CLK3: variants seen among roughly 807,000 people sequenced by gnomAD.
The protein encoded by CLK3 is dual specificity protein kinase CLK3.
In CLK3, 24 loss-of-function variants were observed where a neutral mutation model predicts 65.2. The observed-to-expected ratio is 0.37, with a 90% CI of 0.27 to 0.52. CLK3 has a LOEUF of 0.52. Ranked by LOEUF, CLK3 falls within the 20% of genes least tolerant of loss-of-function variation. CLK3 has a pLI of 0.92. For missense variants in CLK3, 506 were observed against 660.0 expected, an observed-to-expected ratio of 0.77 and a Z score of 2.56; for synonymous variants, 252 against 240.8, an observed-to-expected ratio of 1.05 and a Z score of -0.43.
rs1364397833 is a variant in CLK3, at chr15:74,619,304, C to G, written c.108C>G (p.Tyr36Ter). Residue 36 changes from tyrosine to a stop codon, truncating the protein, a stop_gained, in exon 2 of 13, where the codon TAC (tyrosine) becomes TAG (stop). Transcript: ENST00000395066. LOFTEE classifies it high-confidence loss of function. Reference protein sequence around the residue: ...YSREHEGRLRYPSRREPPPRR... With the variant: ...YSREHEGRLR ...GGGAACATGAAGGGAGACTGCGATA[C>G]CCGTCCCGAAGGGAGCCTCCCCCAC... 1 of 1,614,030 alleles carries G rather than the reference C, an allele frequency of 6.2e-7. No individual in the cohort carries two copies. The highest frequency in any genetic ancestry group is 8.5e-7 in the Non-Finnish European group (1 of 1,180,014).
upstream of CLK3, chr15:74,613,483 G>A (rs995855844): frequency 1.3e-5 from 2 of 152,232 alleles, no homozygotes; most frequent in African/African-American, 2.4e-5. Context: ...AGCTCTAAGG[G>A]TAGAATCTCA....
At position 74,630,109 on chromosome 15, in the gene CLK3, C is replaced by T. The variant is rs985919107; in HGVS notation, c.*226C>T. On this transcript the variant is annotated 3_prime_UTR_variant, in exon 13 of 13. Coordinates refer to ENST00000395066, the MANE Select transcript of CLK3 (RefSeq NM_001130028.2). ...TAAAGTTATAATAAAGTGTTTCTTA[C>T]TGTTTGTAACCCCTGGTACCAGTGT... 3.9e-6 allele frequency: 2 copies of T among 507,722 alleles called. No individual in the cohort carries two copies. The highest frequency in any genetic ancestry group is 3.8e-5 in the African/African-American group (2 of 52,624). The allele number at this position is 507,722 out of a possible 1,614,324, so 31.5% of individuals were successfully genotyped here.
chr15:74,619,438 C>A, intron 2 of CLK3, 90 bp downstream of exon 2: 1 of 1,415,228 alleles, frequency 7.1e-7, no homozygotes, highest in Non-Finnish European at 9.8e-7. Context: ...GACTCCATCC[C>A]TGCCCAGCTG....
intron 6 of CLK3, among the ~76,000 whole-genome samples, chr15:74,625,438 G>A (rs138938392): frequency 3.9e-5 from 6 of 152,296 alleles, no homozygotes; most frequent in Non-Finnish European, 8.8e-5. Context: ...GAGTGAGCAA[G>A]TGGAGAAAAG....
Position 74,628,047 on chromosome 15 carries a change from T to C in CLK3, c.1120T>C (p.Phe374Leu). The change falls in exon 10 of 13, where the codon TTC becomes CTC. Residue 374 changes from phenylalanine to leucine, a missense_variant. By Grantham distance (22) the Phe-to-Leu change is conservative. Coordinates refer to ENST00000395066, the MANE Select transcript of CLK3 (RefSeq NM_001130028.2). ...TGAGTACTACCGGGGCTTCACACTC[T>C]TCCAGGTACAGCCACCCTGCATTGG... is the stretch of plus-strand genomic sequence containing the variant. ...LFEYYRGFTL[F>L]QTHENREHLV... 1.9e-6 allele frequency: 3 copies of C among 1,609,016 alleles called. No individual in the cohort carries two copies. Among genetic ancestry groups the C allele is most frequent in the Non-Finnish European group, 2.6e-6 (3 of 1,175,296 alleles).
chr15:74,629,951 T>A lies in CLK3; in HGVS notation c.*68T>A. The A allele has an allele frequency of 6.8e-7, 1 of 1,474,620 alleles. No individual in the cohort carries two copies. Among genetic ancestry groups the A allele is most frequent in the Non-Finnish European group, 9.2e-7 (1 of 1,088,914 alleles). The allele number at this position is 1,474,620 out of a possible 1,614,324, so 91.3% of individuals were successfully genotyped here. A position where few individuals can be genotyped will look rare whatever the true frequency, so the allele number is the denominator to read the frequency against. ...GCCGCCCAGCCCCTTGACTCCAGCC[T>A]CGACCGCCAGGCCCCAGGCCAGAGC... On this transcript the variant is annotated 3_prime_UTR_variant, in exon 13 of 13. Transcript: ENST00000395066.
upstream of CLK3, among the ~76,000 whole-genome samples, chr15:74,610,892 G>A (rs1481764420): frequency 3.3e-5 from 5 of 152,208 alleles, no homozygotes; most frequent in African/African-American, 9.6e-5. Flanking sequence ...GCCATCACAC[G>A]GTGTCCCTTT....
chr15:74,629,978 AC>A lies in CLK3; in HGVS notation c.*98del, dbSNP rs762358320. On this transcript the variant is annotated 3_prime_UTR_variant, in exon 13 of 13. Coordinates refer to ENST00000395066, the MANE Select transcript of CLK3 (RefSeq NM_001130028.2). The stretch of plus-strand genomic sequence containing the variant: ...GACCGCCAGGCCCCAGGCCAGAGCC[AC>A]CCAATGAACAGTGCAATGTGAAGGA... 6.0e-5 allele frequency: 74 copies of A among 1,238,910 alleles called. No individual in the cohort carries two copies. Among genetic ancestry groups the A allele is most frequent in the Non-Finnish European group, 7.6e-5 (68 of 890,100 alleles). 76.7% of individuals were successfully genotyped at this position (1,238,910 alleles called of 1,614,324 possible).
rs777998388 is a variant in CLK3 at position 74,627,465 on chromosome 15, G to C, written c.912+19G>C. The C allele has an allele frequency of 6.2e-7, 1 of 1,614,160 alleles. No individual in the cohort carries two copies. ...GCACAAGGTATTGGTGGGGGTAAGG[G>C]TGAGGCCCTGTTTCAGGGGTGGGTT... On this transcript the variant is annotated intron_variant, in intron 8 of 12. Transcript: ENST00000395066. The surrounding 1 kb of genome is among the most constrained non-coding windows in gnomAD (Gnocchi z 4.3).
upstream of CLK3, chr15:74,615,497 G>A (rs1201102313): frequency 7.6e-7 from 1 of 1,309,820 alleles, no homozygotes. Context: ...GGCGGACCAC[G>A]CGGGGTCGGG....
upstream of CLK3, chr15:74,615,613 G>A: frequency 1.6e-6 from 2 of 1,252,362 alleles, no homozygotes; most frequent in Admixed American, 8.4e-5. Context: ...GGACCTACGT[G>A]CGCCGCGACA....
Position 74,620,088 on chromosome 15 carries a change from T to C in CLK3, c.232T>C (p.Ser78Pro). Residue 78 changes from serine (S) to proline (P), a missense_variant, in exon 3 of 13, where the codon TCC becomes CCC. Transcript: ENST00000395066. ...DTYRCEERSP[S>P]FGEDYYGPSR... ...ATACCGGTGTGAAGAGCGGAGCCCA[T>C]CCTTTGGAGAGGACTACTATGGACC... The C allele has an allele frequency of 6.2e-7, 1 of 1,614,084 alleles. No individual in the cohort carries two copies. Among genetic ancestry groups the C allele is most frequent in the South Asian group, 1.1e-5 (1 of 91,088 alleles).
At chr15:74,626,043 C>A in intron 7 of CLK3, 75 bp downstream of exon 7, 1 of 1,513,340 alleles carries the variant, frequency 6.6e-7, no homozygotes, top group South Asian at 1.2e-5. Context: ...TTGTTGTCCC[C>A]ATTCATTCCA....
rs1466831342 is a variant in CLK3, at chr15:74,629,254, G to A, written c.1296+222G>A. 7.7e-6 allele frequency: 5 copies of A among 647,248 alleles called. No homozygotes were observed. In the East Asian group the frequency reaches 1.1e-4, roughly 15 times the overall value. 40.1% of individuals were successfully genotyped at this position (647,248 alleles called of 1,614,324 possible). On this transcript the variant is annotated intron_variant, in intron 12 of 12. Coordinates refer to ENST00000395066, the MANE Select transcript of CLK3 (RefSeq NM_001130028.2). ...CCTTCCCCATAGGGTGGCTATGAAT[G>A]TAATTGGGGAACACCAGAAGAGCCA...
upstream of CLK3, chr15:74,613,415 A>C (rs74925675): frequency 0.18 from 27,080 of 152,120 alleles, 3,523 homozygotes; most frequent in East Asian, 0.42. Flanking sequence ...CCCAAACCTC[A>C]CCTGGGGGCA....
chr15:74,620,051 T>A lies in CLK3; in HGVS notation c.195T>A (p.Arg65=). The change falls in exon 3 of 13, where the codon CGT becomes CGA. Residue 65 remains arginine (R), a synonymous_variant. Coordinates refer to ENST00000395066, the MANE Select transcript of CLK3 (RefSeq NM_001130028.2). ...LPYQRRYRER[R]DSDTYRCEER... is the part of the protein sequence containing the mutation. ...ACCAGAGGAGGTACCGGGAGCGCCG[T>A]GACAGCGATACATACCGGTGTGAAG... 1 of 1,614,200 alleles carries A rather than the reference T, an allele frequency of 6.2e-7. No homozygotes were observed.
Position 74,620,108 on chromosome 15 carries a change from T to A in CLK3, c.252T>A (p.Tyr84Ter). 1 of 1,614,192 alleles carries A rather than the reference T, an allele frequency of 6.2e-7. No homozygotes were observed. The highest frequency in any genetic ancestry group is 1.1e-5 in the South Asian group (1 of 91,088). Residue 84 changes from tyrosine to a stop codon, truncating the protein, a stop_gained, in exon 3 of 13, where the codon TAT becomes TAA. Coordinates refer to ENST00000395066, the MANE Select transcript of CLK3 (RefSeq NM_001130028.2). LOFTEE classifies it high-confidence loss of function. ...GCCCATCCTTTGGAGAGGACTACTA[T>A]GGACCTTCACGTTCTCGTCATCGTC... ...ERSPSFGEDYYGPSRSRHRRR... is the reference protein window; with the variant it reads ...ERSPSFGEDY
At chr15:74,629,122 A>G (rs1415678848) in intron 12 of CLK3, 90 bp downstream of exon 12, 8 of 984,588 alleles carry the variant, frequency 8.1e-6, no homozygotes, top group Middle Eastern at 2.1e-4. Flanking sequence ...CCAGGCCGCT[A>G]AAGGCTGCCT....
chr15:74,621,780 C>G lies in CLK3; in HGVS notation c.370-340C>G, dbSNP rs906476564. 5.5e-6 allele frequency: 2 copies of G among 365,442 alleles called. No individual in the cohort carries two copies. The highest frequency in any genetic ancestry group is 1.1e-5 in the Non-Finnish European group (2 of 185,952). The allele number at this position is 365,442 out of a possible 1,614,324, so 22.6% of individuals were successfully genotyped here. On this transcript the variant is annotated intron_variant, in intron 3 of 12. Transcript: ENST00000395066. This position sits in a 1 kb window ranked among gnomAD's most constrained non-coding sequence, Gnocchi z 4.8. ...GGAGGAGGGAGTCGGGGCGATGGCT[C>G]TCCTCACAGCGTGGCCCTCAGCAGC...
Sources: allele counts gnomAD v4.1 joint callset (sites outside exome capture counted in the v4.1 genomes callset), GRCh38; gene constraint gnomAD v4.1.1; non-coding constraint Gnocchi (gnomAD v3.1); transcripts MANE v1.5; gene names NCBI Gene and HGNC (gene_info 2026-07-23, HGNC 2026-07-21).